The following GNA14 variants were observed in gnomAD, a reference collection of about 807,000 sequenced individuals.
GNA14 encodes guanine nucleotide-binding protein subunit alpha-14.
In GNA14, 50 loss-of-function variants were observed where a neutral mutation model predicts 42.0. That is an observed-to-expected ratio of 1.19 (90% confidence interval 0.95 to 1.51). GNA14 has a LOEUF of 1.51. GNA14 is among the 40% of genes most tolerant of loss of function. The pLI is 0.00. For synonymous variants in GNA14, 173 were observed against 163.1 expected, an observed-to-expected ratio of 1.06 and a Z score of -0.46; for missense variants, 473 against 446.2, an observed-to-expected ratio of 1.06 and a Z score of -0.54.
Position 77,513,527 on chromosome 9 carries a change from C to T in GNA14, c.309+15542G>A, listed in dbSNP as rs74609508. Among the ~76,000 whole-genome samples the T allele has an allele frequency of 1.5e-3, 224 of 152,340 alleles. 1 individual carries two copies. Among genetic ancestry groups the T allele is most frequent in the African/African-American group, 5.3e-3 (219 of 41,576 alleles). On this transcript the variant is annotated intron_variant, in intron 2 of 6. Coordinates refer to ENST00000341700, the MANE Select transcript of GNA14 (RefSeq NM_004297.4). ...TAGCGCCCAGAAGTATACACAGTCC[C>T]TGCCCTTAGGGAGCTCACGAAGTAC...
chr9:77,579,677 C>T (rs994536247), intron 1 of GNA14, among the ~76,000 whole-genome samples: 4 of 152,160 alleles, frequency 2.6e-5, no homozygotes, highest in Admixed American at 6.5e-5. Flanking sequence ...GACATTTCAA[C>T]GACAGTCTCA....
intron 2 of GNA14, among the ~76,000 whole-genome samples, chr9:77,475,786 T>C (rs1836409442): frequency 1.3e-5 from 2 of 152,194 alleles, no homozygotes; most frequent in Admixed American, 6.5e-5. Context: ...GGAGAGCATA[T>C]GCTGCCCTTG....
At chr9:77,485,307 T>G (rs1180143236) in intron 2 of GNA14, among the ~76,000 whole-genome samples, 4 of 152,212 alleles carry the variant, frequency 2.6e-5, no homozygotes, top group African/African-American at 9.6e-5. Flanking sequence ...AACTCCTCAT[T>G]TTTTCAAGTT....
At chr9:77,472,401 A>C (rs1836347257) in intron 2 of GNA14, among the ~76,000 whole-genome samples, 1 of 152,174 alleles carries the variant, frequency 6.6e-6, no homozygotes, top group Admixed American at 6.5e-5. Flanking sequence ...TTCCAAAAAG[A>C]AATGTCCTGG....
chr9:77,516,262 T>C (rs1837255780), intron 2 of GNA14, among the ~76,000 whole-genome samples: 1 of 152,200 alleles, frequency 6.6e-6, no homozygotes, highest in African/African-American at 2.4e-5. Context: ...GTATAACAAA[T>C]ATTTATCAAA....
chr9:77,596,290 T>C (rs919796243), intron 1 of GNA14, among the ~76,000 whole-genome samples: 7 of 152,142 alleles, frequency 4.6e-5, no homozygotes, highest in Non-Finnish European at 8.8e-5. Context: ...GCCATGTTCA[T>C]TGAGCTGATT....
chr9:77,443,647 T>A (rs1835770030), intron 2 of GNA14, among the ~76,000 whole-genome samples: 1 of 152,336 alleles, frequency 6.6e-6, no homozygotes, highest in South Asian at 2.1e-4. Context: ...AGTGTTGGCA[T>A]GAGGGGCCAA....
At chr9:77,612,488 C>T (rs1031458074) in intron 1 of GNA14, among the ~76,000 whole-genome samples, 16 of 152,044 alleles carry the variant, frequency 1.1e-4, no homozygotes, top group African/African-American at 3.4e-4. Flanking sequence ...TCAGGCAAAA[C>T]GTTTAAATAA....
intron 1 of GNA14, among the ~76,000 whole-genome samples, chr9:77,534,249 T>C (rs1360065685): frequency 6.6e-6 from 1 of 152,236 alleles, no homozygotes; most frequent in Non-Finnish European, 1.5e-5. Context: ...CCCGTTTACT[T>C]TTCATCTTTA....
At chr9:77,424,334 T>C (rs1027392019) in intron 6 of GNA14, among the ~76,000 whole-genome samples, 165 bp from the exon 7 acceptor site, 1 of 152,220 alleles carries the variant, frequency 6.6e-6, no homozygotes, top group Non-Finnish European at 1.5e-5. Flanking sequence ...GCAATTCTCC[T>C]GCCTCAGCCT....
At chr9:77,474,764 T>C (rs1289952845) in intron 2 of GNA14, among the ~76,000 whole-genome samples, 1 of 152,202 alleles carries the variant, frequency 6.6e-6, no homozygotes, top group Non-Finnish European at 1.5e-5. Flanking sequence ...TACTGATGTA[T>C]GGATAAACAA....
intron 1 of GNA14, among the ~76,000 whole-genome samples, chr9:77,576,085 G>A (rs2131798900): frequency 6.6e-6 from 1 of 152,218 alleles, no homozygotes; most frequent in East Asian, 1.9e-4. Context: ...AATCTTCTAT[G>A]GTTGCATGTT....
At chr9:77,456,157 G>A (rs1394474777) in intron 2 of GNA14, 1 of 148,870 alleles carries the variant, frequency 6.7e-6, no homozygotes, top group Non-Finnish European at 1.5e-5. Flanking sequence ...TTATTTAATA[G>A]ATAAGGAAAC....
At chr9:77,482,151 T>C (rs1271900568) in intron 2 of GNA14, among the ~76,000 whole-genome samples, 1 of 152,230 alleles carries the variant, frequency 6.6e-6, no homozygotes, top group African/African-American at 2.4e-5. Context: ...GCCTTGATCG[T>C]CTTTACATTT....
intron 1 of GNA14, among the ~76,000 whole-genome samples, chr9:77,549,696 T>C (rs76768436): frequency 0.02 from 2,983 of 152,238 alleles, 52 homozygotes; most frequent in Middle Eastern, 0.068. Flanking sequence ...GGCTCTCCTA[T>C]TCTGGGGCTC....
At chr9:77,436,421 T>C (rs1835639662) in intron 2 of GNA14, among the ~76,000 whole-genome samples, 2 of 152,220 alleles carry the variant, frequency 1.3e-5, no homozygotes, top group African/African-American at 4.8e-5. Context: ...GCCTTTACTA[T>C]TGTAGCAGAT....
At chr9:77,469,532 A>AT (rs1278925699) in intron 2 of GNA14, among the ~76,000 whole-genome samples, 1 of 101,164 alleles carries the variant, frequency 9.9e-6, no homozygotes, top group African/African-American at 6.8e-5. Context: ...AAGACTGACA[A>AT]CCAAAAAAAA....
intron 1 of GNA14, among the ~76,000 whole-genome samples, chr9:77,535,208 C>T (rs80116212): frequency 1.3e-5 from 2 of 152,164 alleles, no homozygotes; most frequent in Non-Finnish European, 2.9e-5. Context: ...GGAGTTTCTG[C>T]ACCTGTGTGT....
chr9:77,475,500 T>C (rs760978381), intron 2 of GNA14, among the ~76,000 whole-genome samples: 9 of 152,142 alleles, frequency 5.9e-5, no homozygotes, highest in Non-Finnish European at 1.0e-4. Flanking sequence ...CCTAGGAGAA[T>C]GGCTCTGGTC....
Sources: gnomAD v4.1 joint callset for allele counts (sites outside exome capture counted in the v4.1 genomes callset) on GRCh38, gnomAD v4.1.1 for gene constraint, MANE v1.5 for transcripts, NCBI Gene and HGNC (gene_info 2026-07-23, HGNC 2026-07-21) for gene names.